MAPK10: variants seen among roughly 807,000 people sequenced by gnomAD.
The protein encoded by MAPK10 is mitogen-activated protein kinase 10.
Under a neutral mutation model 59.3 loss-of-function variants are expected in MAPK10, and 25 were observed. That is an observed-to-expected ratio of 0.42 (90% CI 0.31 to 0.59). MAPK10 has a LOEUF of 0.59. MAPK10 is among the 20% of genes least tolerant of loss of function. The probability of loss-of-function intolerance (pLI) is 0.15; values close to 1 mark genes in which losing one functional copy is unlikely to be tolerated. For missense variants in MAPK10, 351 were observed against 568.9 expected (o/e 0.62, Z 3.90); for synonymous variants, 190 against 200.5 (o/e 0.95, Z 0.44).
chr4:86,306,576 A>G (rs976362358), intron 2 of MAPK10, among the ~76,000 whole-genome samples: 1 of 152,208 alleles, frequency 6.6e-6, no homozygotes, highest in Non-Finnish European at 1.5e-5. Flanking sequence ...ATATTATTAC[A>G]TTAGTTTTAA....
upstream of MAPK10, among the ~76,000 whole-genome samples, chr4:86,455,595 C>T (rs1399956140): frequency 7.9e-5 from 12 of 152,138 alleles, no homozygotes. Context: ...CCTTGTCCAA[C>T]AGGAAAATAT....
intron 2 of MAPK10, among the ~76,000 whole-genome samples, chr4:86,214,904 A>G (rs187804536): frequency 6.6e-6 from 1 of 152,260 alleles, no homozygotes; most frequent in East Asian, 1.9e-4. Context: ...GCAAAAACAG[A>G]CAAATCCACC....
At chr4:86,207,295 C>A (rs191182262) in intron 2 of MAPK10, among the ~76,000 whole-genome samples, 40,882 of 150,180 alleles carry the variant, frequency 0.27, 7,933 homozygotes, top group African/African-American at 0.56. Flanking sequence ...ACCATTTATT[C>A]AATAGGGAAT....
intron 8 of MAPK10, 83 bp from the exon 9 acceptor site, chr4:86,098,678 A>C: frequency 8.6e-7 from 1 of 1,160,742 alleles, no homozygotes; most frequent in Middle Eastern, 2.0e-4. Flanking sequence ...GGAGGAGGAA[A>C]AAGAACAGTT....
intron 2 of MAPK10, among the ~76,000 whole-genome samples, chr4:86,227,108 G>A (rs1439177867): frequency 6.6e-6 from 1 of 151,986 alleles, no homozygotes; most frequent in Admixed American, 6.6e-5. Context: ...AATAAGAAGG[G>A]TTCTCTGACA....
At chr4:86,109,352 G>A (rs540078772) in intron 4 of MAPK10, among the ~76,000 whole-genome samples, 1 of 152,192 alleles carries the variant, frequency 6.6e-6, no homozygotes, top group South Asian at 2.1e-4. Flanking sequence ...AGCCCAGCAT[G>A]CATTAGCTAT....
chr4:86,287,221 C>A (rs564627046), intron 2 of MAPK10, among the ~76,000 whole-genome samples: 4 of 152,052 alleles, frequency 2.6e-5, no homozygotes, highest in Admixed American at 6.6e-5. Context: ...TATAAACAAC[C>A]CACAAAAACC....
chr4:86,271,027 A>G (rs2094418637), intron 2 of MAPK10, among the ~76,000 whole-genome samples: 1 of 152,214 alleles, frequency 6.6e-6, no homozygotes, highest in Non-Finnish European at 1.5e-5. Context: ...CTCTTGGATC[A>G]TAAGTAGTTA....
intron 3 of MAPK10, among the ~76,000 whole-genome samples, chr4:86,187,950 G>C (rs1367651757): frequency 6.6e-6 from 1 of 152,014 alleles, no homozygotes; most frequent in Non-Finnish European, 1.5e-5. Flanking sequence ...CCCTCCCTGT[G>C]CCCATGTGTT....
At chr4:86,311,015 A>G (rs1039833960) in intron 2 of MAPK10, among the ~76,000 whole-genome samples, 9 of 143,168 alleles carry the variant, frequency 6.3e-5, no homozygotes, top group African/African-American at 2.3e-4. Flanking sequence ...CAAGCACTAT[A>G]TGATTACACA....
At chr4:86,478,882 G>A (rs542811898) in intron 1 of MAPK10, among the ~76,000 whole-genome samples, 56 of 152,196 alleles carry the variant, frequency 3.7e-4, no homozygotes, top group South Asian at 2.9e-3. Context: ...CCTTTCCATC[G>A]TGGAAATCTA....
rs534318148 is a variant in MAPK10, at chr4:86,249,394, G to T, written c.-6-54987C>A. On this transcript the variant is annotated intron_variant, in intron 2 of 13. Coordinates refer to ENST00000641462, the MANE Select transcript of MAPK10 (RefSeq NM_138982.4). ...AATTCTAAGCATCACATCCCCATTA[G>T]CTGCTAAAACAAGTAGGGGTGGACC... is the stretch of plus-strand genomic sequence containing the variant. Among the ~76,000 whole-genome samples the T allele has an allele frequency of 2.0e-5, 3 of 152,240 alleles. No individual in the cohort carries two copies. The South Asian group carries it at 6.2e-4, about 32-fold the overall frequency.
chr4:86,484,267 T>G (rs1422751124), intron 1 of MAPK10, among the ~76,000 whole-genome samples: 1 of 152,256 alleles, frequency 6.6e-6, no homozygotes, highest in African/African-American at 2.4e-5. Flanking sequence ...TAATTCATTC[T>G]TATTTAACTC....
chr4:86,146,566 A>G (rs2065055934), intron 4 of MAPK10, among the ~76,000 whole-genome samples: 1 of 152,174 alleles, frequency 6.6e-6, no homozygotes, highest in East Asian at 1.9e-4. Flanking sequence ...GAATGTGAGC[A>G]AAAGGGAAAC....
intron 1 of MAPK10, among the ~76,000 whole-genome samples, chr4:86,421,946 G>A (rs1033631083): frequency 6.6e-6 from 1 of 152,220 alleles, no homozygotes; most frequent in East Asian, 1.9e-4. Context: ...CATGCTCACT[G>A]TACTCCAGCC....
At chr4:86,581,929 A>AT (rs1176437235) in intron 1 of MAPK10, among the ~76,000 whole-genome samples, 2 of 127,774 alleles carry the variant, frequency 1.6e-5, no homozygotes, top group African/African-American at 2.9e-5. Context: ...ATATATATAT[A>AT]TATATATATA....
At chr4:86,213,103 G>T (rs930134921) in intron 2 of MAPK10, among the ~76,000 whole-genome samples, 1 of 151,990 alleles carries the variant, frequency 6.6e-6, no homozygotes, top group African/African-American at 2.4e-5. Flanking sequence ...ACAACCAATG[G>T]ATCAAATAAG....
intron 9 of MAPK10, among the ~76,000 whole-genome samples, chr4:86,086,746 A>G (rs2096332260): frequency 6.6e-6 from 1 of 152,166 alleles, no homozygotes; most frequent in Non-Finnish European, 1.5e-5. Context: ...AGATTTAGGT[A>G]TAATTTTATT....
chr4:86,061,792 G>C (rs2045811224), intron 11 of MAPK10, among the ~76,000 whole-genome samples: 1 of 151,960 alleles, frequency 6.6e-6, no homozygotes, highest in Admixed American at 6.6e-5. Context: ...AACAGCATGT[G>C]AGTTACTTGA....
Sources: allele counts gnomAD v4.1 joint callset (sites outside exome capture counted in the v4.1 genomes callset), GRCh38; gene constraint gnomAD v4.1.1; transcripts MANE v1.5; gene names NCBI Gene and HGNC (gene_info 2026-07-23, HGNC 2026-07-21).